OPCML: variants seen among roughly 807,000 people sequenced by gnomAD.
OPCML encodes opioid binding protein/cell adhesion molecule like, also known as opioid-binding protein/cell adhesion molecule.
OPCML carries 13 observed loss-of-function variants against 37.8 expected under a neutral mutation model. The ratio of observed to expected loss-of-function variants is 0.34; its 90% confidence interval spans 0.22 to 0.55. The LOEUF is 0.55. OPCML is among the 20% of genes least tolerant of loss of function. OPCML has a pLI of 0.91. For synonymous variants in OPCML, 176 were observed against 168.8 expected (o/e 1.04, Z -0.33); for missense variants, 341 against 435.6 (o/e 0.78, Z 1.93).
At chr11:132,650,402 C>T (rs1591672431) in intron 3 of OPCML, among the ~76,000 whole-genome samples, 2 of 152,162 alleles carry the variant, frequency 1.3e-5, no homozygotes, top group Non-Finnish European at 2.9e-5. Flanking sequence ...AGTTGTCACA[C>T]AGAATAACTA....
chr11:133,300,995 G>A (rs1422029651), intron 1 of OPCML: 1 of 152,142 alleles, frequency 6.6e-6, no homozygotes, highest in Non-Finnish European at 1.5e-5. Context: ...CTGGCCTCTG[G>A]AACTGTCACA....
intron 1 of OPCML, among the ~76,000 whole-genome samples, chr11:133,207,141 A>AT (rs1939105586): frequency 1.4e-5 from 2 of 140,352 alleles, no homozygotes; most frequent in African/African-American, 5.2e-5. Context: ...AAAAAAAAAA[A>AT]TACAAAAAAT....
At chr11:132,517,144 G>A (rs1057211253) in intron 4 of OPCML, among the ~76,000 whole-genome samples, 3 of 152,200 alleles carry the variant, frequency 2.0e-5, no homozygotes, top group African/African-American at 7.2e-5. Context: ...ACTTGGCTCA[G>A]TTAGATACTG....
At position 132,529,294 on chromosome 11, in the gene OPCML, T is replaced by G. The variant is rs2096317337; in HGVS notation, c.380-108A>C. 3 of 1,361,932 alleles carry G rather than the reference T, an allele frequency of 2.2e-6. No individual in the cohort carries two copies. The African/African-American group carries it at 4.4e-5, about 20-fold the overall frequency. 84.4% of individuals were successfully genotyped at this position (1,361,932 alleles called of 1,614,324 possible). ...AGCATGTTTTTATAATAAATATTGT[T>G]TGCAGTAATAAATTTCAAGTTGCTT... On this transcript the variant is annotated intron_variant, in intron 3 of 7. Coordinates refer to ENST00000524381, the MANE Select transcript of OPCML (RefSeq NM_001012393.5).
intron 1 of OPCML, among the ~76,000 whole-genome samples, chr11:133,176,836 C>T (rs1468146567): frequency 1.3e-5 from 2 of 152,242 alleles, no homozygotes; most frequent in Non-Finnish European, 2.9e-5. Flanking sequence ...TAATTGACCA[C>T]ACAATCTCTG....
intron 2 of OPCML, among the ~76,000 whole-genome samples, chr11:132,840,105 A>C (rs546203961): frequency 6.6e-6 from 1 of 152,276 alleles, no homozygotes; most frequent in East Asian, 1.9e-4. Context: ...ACATGAGAAC[A>C]GGGGCCACAG....
At position 132,975,435 on chromosome 11, in the gene OPCML, A is replaced by C. The variant is rs528179464; in HGVS notation, c.62-32425T>G. On this transcript the variant is annotated intron_variant, in intron 1 of 7. Coordinates refer to ENST00000524381, the MANE Select transcript of OPCML (RefSeq NM_001012393.5). Reference sequence around the variant, plus strand: ...TGAGGAAGAAGCATATAATATGAGTATATGGGTGCATAAACTCAGCATAAA... The same window carrying C: ...TGAGGAAGAAGCATATAATATGAGTCTATGGGTGCATAAACTCAGCATAAA... Among the ~76,000 whole-genome samples, 14 of 150,736 alleles carry C rather than the reference A, an allele frequency of 9.3e-5. No homozygotes were observed. The East Asian group carries it at 2.2e-3, about 24-fold the overall frequency.
chr11:132,947,775 A>G (rs115223689), intron 1 of OPCML, among the ~76,000 whole-genome samples: 2,899 of 152,348 alleles, frequency 0.019, 94 homozygotes, highest in African/African-American at 0.066. Flanking sequence ...ATGTGGAAAC[A>G]TATATAAAGA....
At chr11:132,713,297 T>C (rs1944343006) in intron 2 of OPCML, among the ~76,000 whole-genome samples, 1 of 152,170 alleles carries the variant, frequency 6.6e-6, no homozygotes, top group South Asian at 2.1e-4. Flanking sequence ...GGTGCAACAG[T>C]TCATGGTAAC....
intron 1 of OPCML, among the ~76,000 whole-genome samples, chr11:133,131,569 T>C (rs75148169): frequency 0.013 from 1,926 of 152,262 alleles, 47 homozygotes; most frequent in African/African-American, 0.044. Context: ...CTGGTGGAAA[T>C]GTAAAATGAT....
At chr11:132,879,292 C>A (rs1208003150) in intron 2 of OPCML, among the ~76,000 whole-genome samples, 1 of 152,098 alleles carries the variant, frequency 6.6e-6, no homozygotes, top group East Asian at 1.9e-4. Context: ...GCTGATGCTA[C>A]AAAGCCCTGG....
At position 133,282,027 on chromosome 11, in the gene OPCML, A is replaced by C. The variant is rs148726180; in HGVS notation, c.61+250237T>G. On this transcript the variant is annotated intron_variant, in intron 1 of 7. Coordinates refer to ENST00000524381, the MANE Select transcript of OPCML (RefSeq NM_001012393.5). ...GGTTTGGGAACAACAACAACAACAAAAAAAAACTTAAACTAGTAACTTATA... is the reference window on the plus strand; with the variant it reads ...GGTTTGGGAACAACAACAACAACAACAAAAAACTTAAACTAGTAACTTATA... Among the ~76,000 whole-genome samples, 868 of 152,222 alleles carry C rather than the reference A, an allele frequency of 5.7e-3. 7 individuals are homozygous for C. The highest frequency in any genetic ancestry group is 0.02 in the Middle Eastern group (6 of 294).
intron 2 of OPCML, among the ~76,000 whole-genome samples, chr11:132,849,765 G>C (rs10791260): frequency 6.6e-6 from 1 of 152,124 alleles, no homozygotes; most frequent in Non-Finnish European, 1.5e-5. Context: ...AGCTGGCAAG[G>C]AAGGCAGAGT....
At chr11:132,739,489 C>A (rs1235424782) in intron 2 of OPCML, among the ~76,000 whole-genome samples, 1 of 152,128 alleles carries the variant, frequency 6.6e-6, no homozygotes, top group Admixed American at 6.5e-5. Flanking sequence ...AAAGAACTAC[C>A]CACAGGCACC....
intron 2 of OPCML, among the ~76,000 whole-genome samples, chr11:132,739,665 A>G (rs1162440933): frequency 6.6e-6 from 1 of 152,224 alleles, no homozygotes; most frequent in Non-Finnish European, 1.5e-5. Context: ...GCAAGGGAAG[A>G]CAGTGTGTGA....
rs545791521 is a variant in OPCML at position 133,136,031 on chromosome 11, C to T, written c.62-193021G>A. Among the ~76,000 whole-genome samples, 8 of 152,308 alleles carry T rather than the reference C, an allele frequency of 5.3e-5. 1 individual carries two copies. The South Asian group carries it at 1.7e-3, about 32-fold the overall frequency. On this transcript the variant is annotated intron_variant, in intron 1 of 7. Coordinates refer to ENST00000524381, the MANE Select transcript of OPCML (RefSeq NM_001012393.5). Reference sequence around the variant, plus strand: ...AGACTCATTCTGATAGTTCGTTCTTCACCCATATTTATTCAAAAGACCTAA... The same window carrying T: ...AGACTCATTCTGATAGTTCGTTCTTTACCCATATTTATTCAAAAGACCTAA...
chr11:132,529,144 T>C lies in OPCML; in HGVS notation c.422A>G (p.Asn141Ser). ...CAGCAGGGTCACACTGCTTCCCTCA[T>C]TCACAGTGATGTCTGAGGAGATATT... ...IMNISSDITVNEGSSVTLLCL... is the reference protein window; with the variant it reads ...IMNISSDITVSEGSSVTLLCL... The change falls in exon 4 of 8, where the codon AAT becomes AGT. Residue 141 changes from asparagine to serine, a missense_variant. Transcript: ENST00000524381. The C allele has an allele frequency of 6.2e-7, 1 of 1,613,122 alleles. No homozygotes were observed. The highest frequency in any genetic ancestry group is 8.5e-7 in the Non-Finnish European group (1 of 1,179,376).
intron 3 of OPCML, 77 bp from the exon 4 acceptor site, chr11:132,529,263 T>A (rs1412457753): frequency 6.7e-7 from 1 of 1,493,432 alleles, no homozygotes; most frequent in East Asian, 2.4e-5. Flanking sequence ...CTACAAATTT[T>A]TGTATAGCAT....
At position 133,127,391 on chromosome 11, in the gene OPCML, C is replaced by T. The variant is rs116984928; in HGVS notation, c.62-184381G>A. On this transcript the variant is annotated intron_variant, in intron 1 of 7. Coordinates refer to ENST00000524381, the MANE Select transcript of OPCML (RefSeq NM_001012393.5). ...TCATGCTGGTCATCTCCCAGCTACT[C>T]GGGAGGCTGAAGCAGGAGCATCGCT... Among the ~76,000 whole-genome samples the T allele has an allele frequency of 3.3e-3, 498 of 152,128 alleles. 16 individuals are homozygous for T. The East Asian group carries it at 0.086, about 26-fold the overall frequency.
Sources: allele counts gnomAD v4.1 joint callset (sites outside exome capture counted in the v4.1 genomes callset), GRCh38; gene constraint gnomAD v4.1.1; transcripts MANE v1.5; gene names NCBI Gene and HGNC (gene_info 2026-07-23, HGNC 2026-07-21).